ADGRL2: variants seen among roughly 807,000 people sequenced by gnomAD.
ADGRL2 encodes the protein adhesion G protein-coupled receptor L2.
ADGRL2 carries 44 observed loss-of-function variants against 157.4 expected under a neutral mutation model. That is an observed-to-expected ratio of 0.28 (90% CI 0.22 to 0.36). ADGRL2 has a LOEUF of 0.36. Among genes scored for constraint, ADGRL2 ranks in the 10% least tolerant of loss-of-function variants. The pLI is 1.00. For synonymous variants in ADGRL2, 585 were observed against 624.7 expected, an observed-to-expected ratio of 0.94 and a Z score of 0.95; for missense variants, 1,510 against 1,768.9, an observed-to-expected ratio of 0.85 and a Z score of 2.63.
chr1:81,726,930 A>C (rs553058437), intron 1 of ADGRL2, among the ~76,000 whole-genome samples: 1 of 152,340 alleles, frequency 6.6e-6, no homozygotes, highest in Non-Finnish European at 1.5e-5. Flanking sequence ...CTTTCAGAGG[A>C]TATTTTAAAT....
chr1:81,811,070 G>T (rs567028911), intron 1 of ADGRL2, among the ~76,000 whole-genome samples: 1 of 151,534 alleles, frequency 6.6e-6, no homozygotes, highest in Non-Finnish European at 1.5e-5. Context: ...ATATTGTTAC[G>T]GGTTTTAAAC....
chr1:81,432,569 G>A (rs1270895230), intron 1 of ADGRL2, among the ~76,000 whole-genome samples: 1 of 152,204 alleles, frequency 6.6e-6, no homozygotes, highest in East Asian at 1.9e-4. Context: ...TAAGTGAAAT[G>A]TTATTATGAG....
At chr1:81,422,132 G>T (rs2077136098) in intron 1 of ADGRL2, among the ~76,000 whole-genome samples, 1 of 151,536 alleles carries the variant, frequency 6.6e-6, no homozygotes, top group Admixed American at 6.6e-5. Context: ...CTACTTATTA[G>T]AAACATACCT....
intron 3 of ADGRL2, among the ~76,000 whole-genome samples, chr1:81,621,157 C>A (rs2081781613): frequency 6.6e-6 from 1 of 152,050 alleles, no homozygotes; most frequent in South Asian, 2.1e-4. Flanking sequence ...ATGAGCAGCC[C>A]CTCTCTGAAA....
rs75294960 is a variant in ADGRL2, at chr1:81,361,498, C to T, written c.-302+54989C>T. On this transcript the variant is annotated intron_variant, in intron 1 of 24. Transcript: ENST00000370721. Reference sequence around the variant, plus strand: ...AGGGTGGTCAAAGCCTTGAGGAAGTCCTTAAGTAAGTGCTCCTTAAGGACG... The same window carrying T: ...AGGGTGGTCAAAGCCTTGAGGAAGTTCTTAAGTAAGTGCTCCTTAAGGACG... Among the ~76,000 whole-genome samples, 1,385 of 151,904 alleles carry T rather than the reference C, an allele frequency of 9.1e-3. 24 individuals are homozygous for T. The highest frequency in any genetic ancestry group is 0.032 in the African/African-American group (1,315 of 41,502).
intron 1 of ADGRL2, among the ~76,000 whole-genome samples, chr1:81,422,686 T>C (rs899495687): frequency 2.6e-5 from 4 of 152,236 alleles, no homozygotes; most frequent in African/African-American, 9.6e-5. Context: ...TGGAAGACCA[T>C]CTTATTGTTT....
intron 1 of ADGRL2, among the ~76,000 whole-genome samples, chr1:81,421,718 C>T (rs1286259552): frequency 6.6e-6 from 1 of 151,728 alleles, no homozygotes; most frequent in East Asian, 1.9e-4. Flanking sequence ...TTTGCCTCCC[C>T]AGAATATATA....
intron 2 of ADGRL2, among the ~76,000 whole-genome samples, chr1:81,775,664 C>T (rs1045032442): frequency 6.6e-6 from 1 of 151,872 alleles, no homozygotes; most frequent in Admixed American, 6.6e-5. Context: ...AGAAGTCATG[C>T]CCAAATGACA....
intron 2 of ADGRL2, among the ~76,000 whole-genome samples, chr1:81,905,920 A>T (rs1466416043): frequency 6.6e-6 from 1 of 151,454 alleles, no homozygotes; most frequent in East Asian, 2.0e-4. Flanking sequence ...ATTTCAGTAC[A>T]AGGTCAGGAG....
intron 1 of ADGRL2, among the ~76,000 whole-genome samples, chr1:81,436,101 A>T (rs986639859): frequency 6.6e-6 from 1 of 152,208 alleles, no homozygotes; most frequent in Non-Finnish European, 1.5e-5. Flanking sequence ...ATCTCAAAAA[A>T]ATAAAAAAGA....
intron 2 of ADGRL2, among the ~76,000 whole-genome samples, chr1:81,853,715 T>TA (rs2093101135): frequency 6.6e-6 from 1 of 152,184 alleles, no homozygotes; most frequent in Non-Finnish European, 1.5e-5. Context: ...TTTGTGGTCT[T>TA]ACTGGAAAGA....
At position 81,981,890 on chromosome 1, in the gene ADGRL2, A is replaced by G. The variant is rs1661773752; in HGVS notation, c.3196A>G (p.Thr1066Ala). ...TGGGTTGCTTTTTATTAATGAGGAG[A>G]CTATTGTGATGGCATATCTCTTCAC... ...SFGLLFINEE[T>A]IVMAYLFTIF... The change falls in exon 19 of 24, where the codon ACT becomes GCT. Residue 1066 changes from threonine to alanine, a missense_variant. Transcript: ENST00000686636. The G allele has an allele frequency of 6.2e-7, 1 of 1,612,120 alleles. No individual in the cohort carries two copies. Among genetic ancestry groups the G allele is most frequent in the African/African-American group, 1.3e-5 (1 of 74,758 alleles).
chr1:81,350,833 T>C (rs1662827534), intron 1 of ADGRL2, among the ~76,000 whole-genome samples: 1 of 152,176 alleles, frequency 6.6e-6, no homozygotes, highest in African/African-American at 2.4e-5. Flanking sequence ...GTTGACATTA[T>C]CGCAATAGCA....
At chr1:81,903,846 C>T (rs795424) in intron 2 of ADGRL2, among the ~76,000 whole-genome samples, 70,267 of 145,534 alleles carry the variant, frequency 0.48, 17,466 homozygotes, top group East Asian at 0.8. Context: ...CACACACACA[C>T]ATATTTGGTT....
intron 1 of ADGRL2, among the ~76,000 whole-genome samples, chr1:81,416,337 A>G (rs1291236432): frequency 6.6e-6 from 1 of 151,742 alleles, no homozygotes; most frequent in African/African-American, 2.4e-5. Flanking sequence ...AGAAAAGAAA[A>G]GAAAAGAAAA....
At chr1:81,800,142 G>C (rs2087826476), upstream of ADGRL2, among the ~76,000 whole-genome samples, 1 of 152,126 alleles carries the variant, frequency 6.6e-6, no homozygotes, top group African/African-American at 2.4e-5. Flanking sequence ...CTATACTTGA[G>C]AGTAAAGAGC....
At chr1:81,526,312 T>C (rs2079453669) in intron 2 of ADGRL2, among the ~76,000 whole-genome samples, 1 of 152,190 alleles carries the variant, frequency 6.6e-6, no homozygotes, top group Admixed American at 6.5e-5. Flanking sequence ...AGTTATGATA[T>C]AAAAACCCTG....
chr1:81,342,274 A>T (rs1388678066), intron 1 of ADGRL2, among the ~76,000 whole-genome samples: 1 of 152,216 alleles, frequency 6.6e-6, no homozygotes. Flanking sequence ...TATGTTTTAG[A>T]TCCTATATTG....
intron 1 of ADGRL2, among the ~76,000 whole-genome samples, chr1:81,391,265 GTGC>G (rs2076549498): frequency 6.6e-6 from 1 of 152,300 alleles, no homozygotes; most frequent in African/African-American, 2.4e-5. Flanking sequence ...TGTGGCACTT[GTGC>G]TACAGAAGGC....
Sources: gnomAD v4.1 joint callset for allele counts (sites outside exome capture counted in the v4.1 genomes callset) on GRCh38, gnomAD v4.1.1 for gene constraint, MANE v1.5 for transcripts, NCBI Gene and HGNC (gene_info 2026-07-23, HGNC 2026-07-21) for gene names.